The following INSL6 variants were observed in gnomAD, a reference collection of about 807,000 sequenced individuals.
The protein encoded by INSL6 is insulin-like peptide INSL6.
Under a neutral mutation model 9.4 loss-of-function variants are expected in INSL6, and 16 were observed. The observed-to-expected ratio is 1.70, with a 90% CI of 1.15 to 2.59. INSL6 has a LOEUF of 2.59. INSL6 is among the 30% of genes most tolerant of loss of function. The pLI is 0.00. For synonymous variants in INSL6, 154 were observed against 96.9 expected, an observed-to-expected ratio of 1.59 and a Z score of -3.46; for missense variants, 391 against 257.3, an observed-to-expected ratio of 1.52 and a Z score of -3.56.
chr9:5,125,335 G>A (rs899326496), intron 3 of INSL6, among the ~76,000 whole-genome samples: 1 of 151,010 alleles, frequency 6.6e-6, no homozygotes, highest in Non-Finnish European at 1.5e-5. Context: ...ATTACAGCAT[G>A]GGTAATTTAC....
the INSL6 span, chr9:5,050,900 C>T: frequency 7.4e-7 from 1 of 1,347,822 alleles, no homozygotes; most frequent in African/African-American, 1.5e-5. Flanking sequence ...TATATATTTT[C>T]TGTGTTTACC....
At chr9:5,082,833 T>C in the INSL6 span, among the ~76,000 whole-genome samples, 2 of 152,244 alleles carry the variant, frequency 1.3e-5, no homozygotes, top group African/African-American at 4.8e-5. Context: ...AAACCTTGAT[T>C]CCATACAACA....
the INSL6 span, among the ~76,000 whole-genome samples, chr9:4,994,346 T>TA: frequency 3.9e-5 from 6 of 152,196 alleles, no homozygotes; most frequent in African/African-American, 1.2e-4. Flanking sequence ...CACTGGTTCT[T>TA]ATCAGAATTA....
At chr9:5,025,156 C>A in the INSL6 span, among the ~76,000 whole-genome samples, 1 of 151,184 alleles carries the variant, frequency 6.6e-6, no homozygotes, top group Non-Finnish European at 1.5e-5. Flanking sequence ...TTTCCTGTTT[C>A]TGGGAGAAGG....
chr9:5,054,451 T>C, the INSL6 span: 2 of 830,944 alleles, frequency 2.4e-6, no homozygotes, highest in African/African-American at 3.4e-5. The surrounding 1 kb of genome is among the most constrained non-coding windows in gnomAD (Gnocchi z 4.9). Flanking sequence ...GCCACTGTGT[T>C]GTAAGGCCTA....
chr9:5,094,037 G>C, the INSL6 span: 1 of 152,154 alleles, frequency 6.6e-6, no homozygotes, highest in Non-Finnish European at 1.5e-5. Flanking sequence ...AGATGGCGGA[G>C]CCTGGCAATA....
intron 2 of INSL6, among the ~76,000 whole-genome samples, chr9:5,152,797 A>G (rs754264310): frequency 4.6e-5 from 7 of 152,246 alleles, no homozygotes; most frequent in Non-Finnish European, 1.0e-4. Flanking sequence ...GGCAGCTACC[A>G]GCAAGATCGA....
At chr9:4,996,546 A>G in the INSL6 span, among the ~76,000 whole-genome samples, 6 of 151,940 alleles carry the variant, frequency 3.9e-5, no homozygotes, top group Non-Finnish European at 7.4e-5. Flanking sequence ...TTTTAAATAC[A>G]TGAGGTATTG....
the INSL6 span, among the ~76,000 whole-genome samples, chr9:5,049,892 C>A: frequency 6.6e-6 from 1 of 151,968 alleles, no homozygotes; most frequent in Non-Finnish European, 1.5e-5. Context: ...TGTAACACAA[C>A]GGTAAGTATT....
At chr9:5,013,073 G>C in the INSL6 span, among the ~76,000 whole-genome samples, 2 of 152,210 alleles carry the variant, frequency 1.3e-5, no homozygotes, top group Non-Finnish European at 2.9e-5. Context: ...TGAAAAAAGA[G>C]AAGAATAAAG....
intron 2 of INSL6, among the ~76,000 whole-genome samples, chr9:5,156,141 G>GA (rs58456759): frequency 0.34 from 51,375 of 151,626 alleles, 9,099 homozygotes; most frequent in African/African-American, 0.45. Context: ...TTCTTAAAAG[G>GA]AAAAAAAGGC....
chr9:5,116,678 T>C, the INSL6 span, among the ~76,000 whole-genome samples: 1,543 of 152,294 alleles, frequency 0.01, 18 homozygotes, highest in African/African-American at 0.036. Context: ...CCAAATACTA[T>C]ACAGGGAGGT....
chr9:5,034,561 A>G, the INSL6 span, among the ~76,000 whole-genome samples: 4 of 151,512 alleles, frequency 2.6e-5, no homozygotes, highest in African/African-American at 7.3e-5. Context: ...GTGCAATCAA[A>G]CTAGAACTCA....
At chr9:5,114,652 G>A in the INSL6 span, 22 of 459,336 alleles carry the variant, frequency 4.8e-5, no homozygotes, top group Admixed American at 7.5e-5. Context: ...ACGCAGCCCC[G>A]CAAAACCAAG....
the INSL6 span, chr9:5,029,673 T>C: frequency 1.0e-6 from 1 of 953,186 alleles, no homozygotes; most frequent in South Asian, 1.9e-5. Context: ...CTATTACATT[T>C]TGTTCCGATT....
chr9:5,128,988 T>C (rs770350849), intron 3 of INSL6, among the ~76,000 whole-genome samples: 96 of 152,106 alleles, frequency 6.3e-4, no homozygotes, highest in Admixed American at 1.4e-3. Flanking sequence ...GTTTGGAAAA[T>C]AGTCACTTTT....
chr9:5,041,126 C>A, the INSL6 span: 1 of 919,012 alleles, frequency 1.1e-6, no homozygotes, highest in Non-Finnish European at 1.7e-6. Flanking sequence ...CAAGACGGTG[C>A]TCCTGATCGC....
the INSL6 span, among the ~76,000 whole-genome samples, chr9:5,006,410 T>C: frequency 6.6e-6 from 1 of 152,218 alleles, no homozygotes; most frequent in East Asian, 1.9e-4. Flanking sequence ...TGGGGTTTTC[T>C]AGATATACAA....
At chr9:5,067,491 A>G in the INSL6 span, among the ~76,000 whole-genome samples, 1,868 of 152,224 alleles carry the variant, frequency 0.012, 11 homozygotes, top group Non-Finnish European at 0.017. Flanking sequence ...TAATTTTTAT[A>G]AAATGCAACT....
Sources: allele counts gnomAD v4.1 joint callset (sites outside exome capture counted in the v4.1 genomes callset), GRCh38; gene constraint gnomAD v4.1.1; non-coding constraint Gnocchi (gnomAD v3.1); transcripts MANE v1.5; gene names NCBI Gene and HGNC (gene_info 2026-07-23, HGNC 2026-07-21).